Variants in TEX11 observed in about 807,000 individuals in gnomAD.
TEX11 encodes the protein testis-expressed protein 11.
Under a neutral mutation model 84.4 loss-of-function variants are expected in TEX11, and 7 were observed. That is an observed-to-expected ratio of 0.08 (90% CI 0.05 to 0.16). The LOEUF (loss-of-function observed/expected upper bound fraction) is 0.16. TEX11 is among the 10% of genes least tolerant of loss of function. The pLI is 1.00. For missense variants in TEX11, 551 were observed against 660.5 expected (o/e 0.83, Z 1.82); for synonymous variants, 264 against 222.8 (o/e 1.18, Z -1.64).
chrX:70,567,533 T>C (rs2088507938), intron 25 of TEX11, among the ~76,000 whole-genome samples: 2 of 111,593 alleles, frequency 1.8e-5, no homozygotes, highest in Non-Finnish European at 3.8e-5. Context: ...CTTTCTCTTG[T>C]GGGCATTTAG....
intron 13 of TEX11, among the ~76,000 whole-genome samples, chrX:70,705,637 A>C (rs1359870243): frequency 5.4e-5 from 6 of 112,047 alleles, no homozygotes; most frequent in African/African-American, 1.9e-4. Flanking sequence ...ACCCCATCAA[A>C]AAGTGGGCAA....
chrX:70,636,554 C>T (rs1193189208), intron 17 of TEX11, among the ~76,000 whole-genome samples: 3 of 112,354 alleles, frequency 2.7e-5, no homozygotes, highest in Non-Finnish European at 3.8e-5. Flanking sequence ...AGGCCAACCC[C>T]TACAGACTCA....
intron 25 of TEX11, among the ~76,000 whole-genome samples, chrX:70,584,302 A>T (rs1473902624): frequency 4.5e-5 from 5 of 111,377 alleles, no homozygotes; most frequent in African/African-American, 1.6e-4. Flanking sequence ...AAAAAAAAAA[A>T]AAAATGACAA....
intron 24 of TEX11, among the ~76,000 whole-genome samples, chrX:70,597,186 G>A (rs73216785): frequency 0.13 from 14,146 of 111,493 alleles, 724 homozygotes; most frequent in Middle Eastern, 0.2. Context: ...CCATGTTCAT[G>A]AATCAGAGGC....
chrX:70,610,612 A>G (rs2089250009), intron 20 of TEX11, 69 bp from the exon 21 acceptor site: 6 of 1,065,779 alleles, frequency 5.6e-6, no homozygotes, highest in Non-Finnish European at 6.4e-6. Context: ...CTAAAAAGGG[A>G]CACTATTTGT....
intron 16 of TEX11, among the ~76,000 whole-genome samples, chrX:70,664,724 G>C (rs1480659756): frequency 1.8e-5 from 2 of 109,337 alleles, no homozygotes; most frequent in Non-Finnish European, 1.9e-5. Flanking sequence ...ATCTCAGTCA[G>C]GGTATTTTTA....
At chrX:70,649,704 G>A (rs2089789911) in intron 17 of TEX11, among the ~76,000 whole-genome samples, 1 of 111,537 alleles carries the variant, frequency 9.0e-6, no homozygotes, top group South Asian at 3.8e-4. Flanking sequence ...AACCTGGGAG[G>A]TGGAGATTGC....
At chrX:70,693,983 T>C in intron 13 of TEX11, among the ~76,000 whole-genome samples, 1 of 112,018 alleles carries the variant, frequency 8.9e-6, no homozygotes, top group Non-Finnish European at 1.9e-5. Context: ...CCTGCACATG[T>C]ACTTCTGAAC....
chrX:70,874,395 C>CTTTTTT (rs34210812), intron 3 of TEX11, among the ~76,000 whole-genome samples: 5 of 48,075 alleles, frequency 1.0e-4, no homozygotes, highest in Non-Finnish European at 1.8e-4. Context: ...TGATGACTTC[C>CTTTTTT]TTTTTTTTTT....
chrX:70,820,566 G>T (rs1347965198), intron 8 of TEX11, among the ~76,000 whole-genome samples: 1 of 111,895 alleles, frequency 8.9e-6, no homozygotes. Flanking sequence ...TCTGATGAGG[G>T]CCTCAGGAAG....
rs182295304 is a variant in TEX11 at position 70,653,479 on chromosome X, C to G, written c.1381-1927G>C. On this transcript the variant is annotated intron_variant, in intron 16 of 29. Transcript: ENST00000374333. The stretch of plus-strand genomic sequence containing the variant: ...GTCATTAGGGTTTTGCAAATTAAAA[C>G]AGCAATGAGATATCACTATGCATCT... Among the ~76,000 whole-genome samples, 423 of 112,125 alleles carry G rather than the reference C, an allele frequency of 3.8e-3. 2 individuals carry two copies. The highest frequency in any genetic ancestry group is 6.5e-3 in the Non-Finnish European group (348 of 53,161).
chrX:70,702,259 A>T (rs1248341136), intron 13 of TEX11, among the ~76,000 whole-genome samples: 1 of 111,670 alleles, frequency 9.0e-6, no homozygotes, highest in African/African-American at 3.2e-5. Flanking sequence ...AGCCACCCCA[A>T]CTTCAGCAAC....
chrX:70,645,814 T>C (rs1184583160), intron 17 of TEX11, among the ~76,000 whole-genome samples: 1 of 110,857 alleles, frequency 9.0e-6, no homozygotes, highest in Non-Finnish European at 1.9e-5. Context: ...GGTTCACGGA[T>C]TGGAAAAATA....
intron 9 of TEX11, among the ~76,000 whole-genome samples, chrX:70,756,846 C>A (rs1190716345): frequency 3.6e-5 from 4 of 111,800 alleles, no homozygotes; most frequent in Non-Finnish European, 7.5e-5. Context: ...TGTTCTAACC[C>A]ATCGCAAGGA....
intron 9 of TEX11, among the ~76,000 whole-genome samples, chrX:70,782,185 T>A (rs2091043913): frequency 9.0e-6 from 1 of 111,698 alleles, no homozygotes; most frequent in Non-Finnish European, 1.9e-5. Flanking sequence ...AAGAAAAGAA[T>A]TTTCAACCCA....
intron 28 of TEX11, among the ~76,000 whole-genome samples, chrX:70,546,804 C>T (rs1263069606): frequency 9.0e-6 from 1 of 110,520 alleles, no homozygotes; most frequent in African/African-American, 3.3e-5. Context: ...CAGACTGCAG[C>T]TCCTCCAAAA....
At chrX:70,733,681 T>C (rs942239832) in intron 11 of TEX11, among the ~76,000 whole-genome samples, 1 of 111,151 alleles carries the variant, frequency 9.0e-6, no homozygotes, top group Non-Finnish European at 1.9e-5. Flanking sequence ...TGTGAAAAAA[T>C]AGGAACACTT....
At chrX:70,753,655 T>C (rs1693401786) in intron 9 of TEX11, among the ~76,000 whole-genome samples, 3 of 109,529 alleles carry the variant, frequency 2.7e-5, no homozygotes, top group Admixed American at 2.0e-4. Flanking sequence ...TGAGACTCAG[T>C]GCATTACTAG....
intron 9 of TEX11, 30 bp from the exon 10 acceptor site, chrX:70,744,249 T>C (rs2090754353): frequency 1.6e-6 from 1 of 616,891 alleles, no homozygotes; most frequent in Non-Finnish European, 2.2e-6. Context: ...AAAATATATA[T>C]ATATATATAA....
Sources: gnomAD v4.1 joint callset for allele counts (sites outside exome capture counted in the v4.1 genomes callset) on GRCh38, gnomAD v4.1.1 for gene constraint, MANE v1.5 for transcripts, NCBI Gene and HGNC (gene_info 2026-07-23, HGNC 2026-07-21) for gene names.